Variants in CABLES1 observed in about 807,000 individuals in gnomAD.
The protein encoded by CABLES1 is CDK5 and ABL1 enzyme substrate 1.
In CABLES1, 36 loss-of-function variants were observed where a neutral mutation model predicts 57.8. That is an observed-to-expected ratio of 0.62 (90% CI 0.48 to 0.82). The LOEUF is 0.82. Ranked by LOEUF, CABLES1 falls within the 40% of genes least tolerant of loss-of-function variation. The pLI, the probability that CABLES1 is intolerant of heterozygous loss-of-function variation, is 0.00. For missense variants in CABLES1, 767 were observed against 836.6 expected, an observed-to-expected ratio of 0.92 and a Z score of 1.03; for synonymous variants, 374 against 363.0, an observed-to-expected ratio of 1.03 and a Z score of -0.35.
chr18:23,156,160 A>G (rs1436440934), intron 1 of CABLES1, among the ~76,000 whole-genome samples: 3 of 151,802 alleles, frequency 2.0e-5, no homozygotes, highest in Admixed American at 1.3e-4. Flanking sequence ...GGGGGGCTCC[A>G]TGGAGGGTCC....
intron 1 of CABLES1, among the ~76,000 whole-genome samples, chr18:23,163,485 A>G (rs1326393995): frequency 6.6e-6 from 1 of 152,198 alleles, no homozygotes; most frequent in African/African-American, 2.4e-5. Flanking sequence ...CAACAAAACC[A>G]GGACAGGGTA....
chr18:23,168,289 G>A (rs1276982372), intron 1 of CABLES1, among the ~76,000 whole-genome samples: 3 of 152,222 alleles, frequency 2.0e-5, no homozygotes, highest in Non-Finnish European at 1.5e-5. Context: ...GCCTTAAAAA[G>A]GAAAGAAATT....
chr18:23,231,867 T>A (rs1328220341), intron 4 of CABLES1, among the ~76,000 whole-genome samples: 5 of 152,094 alleles, frequency 3.3e-5, no homozygotes, highest in Non-Finnish European at 1.5e-5. Context: ...AACTGTGATG[T>A]GTGATGTGCA....
At chr18:23,171,699 C>T (rs966987719) in intron 1 of CABLES1, among the ~76,000 whole-genome samples, 2 of 152,170 alleles carry the variant, frequency 1.3e-5, no homozygotes, top group Non-Finnish European at 2.9e-5. Context: ...TGATAACCCT[C>T]GCATCTAACG....
intron 3 of CABLES1, among the ~76,000 whole-genome samples, chr18:23,200,610 T>A (rs1372005813): frequency 6.6e-6 from 1 of 152,220 alleles, no homozygotes; most frequent in Non-Finnish European, 1.5e-5. Flanking sequence ...CTAGAGCTGA[T>A]GCTTAGCAGT....
chr18:23,136,105 G>A lies in CABLES1; in HGVS notation c.343G>A (p.Glu115Lys). Residue 115 changes from glutamate to lysine, a missense_variant, in exon 1 of 10, where the codon GAG becomes AAG. Around this residue, in one of 4 missense-constraint regions of CABLES1, gnomAD observed 198 missense variants for 149.7 expected, o/e 1.32. Coordinates refer to ENST00000256925, the MANE Select transcript of CABLES1 (RefSeq NM_001100619.3). ...RTRFSLLAAAERGGCIALAAP... is the reference protein window; with the variant it reads ...RTRFSLLAAAKRGGCIALAAP... Reference sequence around the variant, plus strand: ...TCGGTTCAGCTTGCTCGCCGCTGCCGAGCGGGGCGGCTGCATCGCGCTCGC... The same window carrying A: ...TCGGTTCAGCTTGCTCGCCGCTGCCAAGCGGGGCGGCTGCATCGCGCTCGC... The A allele has an allele frequency of 3.4e-6, 4 of 1,184,872 alleles. No individual in the cohort carries two copies. The highest frequency in any genetic ancestry group is 4.1e-5 in the South Asian group (1 of 24,462). 73.4% of individuals were successfully genotyped at this position (1,184,872 alleles called of 1,614,324 possible).
chr18:23,143,666 G>C (rs1476964819), intron 1 of CABLES1, among the ~76,000 whole-genome samples: 1 of 152,230 alleles, frequency 6.6e-6, no homozygotes, highest in Non-Finnish European at 1.5e-5. Context: ...GTCACAGAGT[G>C]GTTGTGCTTC....
chr18:23,226,959 C>T (rs140297379), intron 4 of CABLES1: 7 of 152,096 alleles, frequency 4.6e-5, no homozygotes, highest in Non-Finnish European at 8.8e-5. Flanking sequence ...GTATGATAGT[C>T]GCAGGAGTCA....
chr18:23,236,111 A>C (rs1230473284), intron 6 of CABLES1, 60 bp downstream of exon 6: 9 of 1,565,192 alleles, frequency 5.8e-6, no homozygotes, highest in South Asian at 1.1e-5. Context: ...CTCCATTTAC[A>C]TGGGGATTGA....
intron 3 of CABLES1, among the ~76,000 whole-genome samples, chr18:23,207,048 G>A (rs1049536362): frequency 6.6e-6 from 1 of 152,126 alleles, no homozygotes; most frequent in East Asian, 1.9e-4. Flanking sequence ...TTGAGTTCAT[G>A]TCATCTCCCA....
chr18:23,209,059 T>G (rs1003277278), intron 3 of CABLES1, among the ~76,000 whole-genome samples: 3 of 152,184 alleles, frequency 2.0e-5, no homozygotes, highest in African/African-American at 7.2e-5. Flanking sequence ...TCCCTCCTTA[T>G]CCACAGTCAA....
At chr18:23,159,840 A>G (rs2046990793) in intron 1 of CABLES1, among the ~76,000 whole-genome samples, 3 of 152,068 alleles carry the variant, frequency 2.0e-5, no homozygotes, top group Admixed American at 2.0e-4. Flanking sequence ...TCATCTAAAG[A>G]TAAAAATTTA....
chr18:23,211,712 C>CTGCT (rs947034680), intron 3 of CABLES1, among the ~76,000 whole-genome samples: 5 of 152,280 alleles, frequency 3.3e-5, no homozygotes, highest in Non-Finnish European at 7.3e-5. Flanking sequence ...CCTGCCCCAC[C>CTGCT]TGCTGGTGCA....
chr18:23,185,293 G>A (rs944172473), intron 1 of CABLES1, among the ~76,000 whole-genome samples: 3 of 152,110 alleles, frequency 2.0e-5, no homozygotes, highest in African/African-American at 7.2e-5. Context: ...TTCCTAGCAG[G>A]GCCTTCTGTG....
At chr18:23,206,212 G>C (rs1365423358) in intron 3 of CABLES1, among the ~76,000 whole-genome samples, 1 of 152,012 alleles carries the variant, frequency 6.6e-6, no homozygotes, top group Non-Finnish European at 1.5e-5. Flanking sequence ...CTCCACTCCT[G>C]TGAGTGCTCC....
At position 23,135,870 on chromosome 18, in the gene CABLES1, G is replaced by A; in HGVS notation, c.108G>A (p.Gln36=). The part of the protein sequence containing the change: ...SGLQQPPPQP[Q]PQPAAAAPAQ... ...TGCAGCAGCCGCCGCCGCAGCCCCA[G>A]CCTCAGCCCGCGGCCGCCGCGCCGG... The change falls in exon 1 of 10, where the codon CAG becomes CAA. Residue 36 remains glutamine (Q), a synonymous_variant. Transcript: ENST00000256925. 1 of 1,031,862 alleles carries A rather than the reference G, an allele frequency of 9.7e-7. No homozygotes were observed. The highest frequency in any genetic ancestry group is 4.3e-5 in the South Asian group (1 of 23,438). The allele number at this position is 1,031,862 out of a possible 1,614,324, so 63.9% of individuals were successfully genotyped here. A position where few individuals can be genotyped will look rare whatever the true frequency, so the allele number is the denominator to read the frequency against.
intron 7 of CABLES1, among the ~76,000 whole-genome samples, chr18:23,241,641 G>A (rs2047739171): frequency 6.6e-6 from 1 of 152,222 alleles, no homozygotes; most frequent in African/African-American, 2.4e-5. Context: ...TCTTGTGCAT[G>A]GCTTTCTGTG....
In CABLES1 at chr18:23,170,803, GT is replaced by G. The variant is rs527919372; in HGVS notation, c.846-18030del. The stretch of plus-strand genomic sequence containing the variant: ...TGAGGGTTGTTTTTTTGTTGTTTTT[GT>G]TTTTGTTTTTGAGACAGAGGCTTGC... On this transcript the variant is annotated intron_variant, in intron 1 of 9. Coordinates refer to ENST00000256925, the MANE Select transcript of CABLES1 (RefSeq NM_001100619.3). Among the ~76,000 whole-genome samples the G allele has an allele frequency of 5.9e-5, 9 of 152,106 alleles. No individual in the cohort carries two copies. In the East Asian group the frequency reaches 9.7e-4, roughly 16 times the overall value.
Position 23,257,364 on chromosome 18 carries a change from C to T in CABLES1, c.1899C>T (p.Ser633=), listed in dbSNP as rs1311556522. 1.9e-6 allele frequency: 3 copies of T among 1,598,124 alleles called. No individual in the cohort carries two copies. The Admixed American group carries it at 5.5e-5, about 29-fold the overall frequency. ...ACTACAGACGGCTGGTCCAGAGTTC[C>T]TAGCACTGGCCCCGAGGACAGCCAA... ...MPHYRRLVQS[S] The change falls in exon 10 of 10, where the codon TCC becomes TCT. Residue 633 remains serine, a synonymous_variant. Transcript: ENST00000256925.
Sources: gnomAD v4.1 joint callset for allele counts (sites outside exome capture counted in the v4.1 genomes callset) on GRCh38, gnomAD v4.1.1 for gene constraint, gnomAD v4.1.1 regional missense constraint, MANE v1.5 for transcripts, NCBI Gene and HGNC (gene_info 2026-07-23, HGNC 2026-07-21) for gene names.